Variants in ZER1 observed in about 807,000 individuals in gnomAD.
The protein encoded by ZER1 is protein zer-1 homolog.
ZER1 carries 11 observed loss-of-function variants against 78.8 expected under a neutral mutation model. The ratio of observed to expected loss-of-function variants is 0.14; its 90% CI spans 0.09 to 0.23. The LOEUF is 0.23. ZER1 is among the 10% of genes least tolerant of loss of function. ZER1 has a pLI of 1.00. For synonymous variants in ZER1, 400 were observed against 407.0 expected (o/e 0.98, Z 0.21); for missense variants, 588 against 996.9 (o/e 0.59, Z 5.52).
chr9:128,735,217 T>G (rs916253448), intron 14 of ZER1, 117 bp downstream of exon 14: 1 of 946,526 alleles, frequency 1.1e-6, no homozygotes, highest in Non-Finnish European at 1.6e-6. Context: ...GGTTCTGCTC[T>G]GAGGCACAAA....
At chr9:128,738,503 A>G (rs1390292415) in intron 13 of ZER1, among the ~76,000 whole-genome samples, 1 of 146,202 alleles carries the variant, frequency 6.8e-6, no homozygotes, top group African/African-American at 2.5e-5. Flanking sequence ...CTCCTGCCTC[A>G]GCCTCCCGAG....
chr9:128,745,231 G>T (rs1572917), intron 8 of ZER1, among the ~76,000 whole-genome samples: 2 of 145,936 alleles, frequency 1.4e-5, no homozygotes, highest in Admixed American at 1.4e-4. Context: ...GACAGTGTCT[G>T]ATTCTGTTGC....
intron 14 of ZER1, among the ~76,000 whole-genome samples, 184 bp from the exon 15 acceptor site, chr9:128,733,712 G>A (rs556552811): frequency 1.3e-5 from 2 of 151,368 alleles, no homozygotes; most frequent in East Asian, 2.0e-4. Flanking sequence ...GGAGTTCTGC[G>A]TCCATGTAGG....
chr9:128,731,150 AAATATATATATAT>A lies in ZER1; in HGVS notation c.*174_*186del. On this transcript the variant is annotated 3_prime_UTR_variant, in exon 16 of 16. Transcript: ENST00000291900. ...ACTTCACACTTCCTAACCAAAAAAA[AAATATATATATAT>A]AATATATATATATCTCACTAACATT... The A allele has an allele frequency of 4.0e-6, 1 of 249,444 alleles. No individual in the cohort carries two copies. Among genetic ancestry groups the A allele is most frequent in the Non-Finnish European group, 7.3e-6 (1 of 136,654 alleles). The allele number at this position is 249,444 out of a possible 1,614,324, so 15.5% of individuals were successfully genotyped here.
chr9:128,740,854 T>C lies in ZER1; in HGVS notation c.1771A>G (p.Met591Val). The change falls in exon 12 of 16, where the codon ATG becomes GTG. Residue 591 changes from methionine (M) to valine (V), a missense_variant. Around this residue, in one of 3 missense-constraint regions of ZER1, gnomAD observed 60 missense variants for 163.3 expected, o/e 0.37. Transcript: ENST00000291900. The surrounding 1 kb of genome is among the most constrained non-coding windows in gnomAD (Gnocchi z 4.4). ...GCCACATTCCCCAAAAGTCCTAGCA[T>C]ATTCCTATGCAGTTCCTGCTTCTCT... ...FPEKQELHRNMLGLLGNVAEV... is the reference protein window; with the variant it reads ...FPEKQELHRNVLGLLGNVAEV... 1.3e-6 allele frequency: 1 copy of C among 781,108 alleles called. No individual in the cohort carries two copies. The highest frequency in any genetic ancestry group is 2.4e-6 in the Non-Finnish European group (1 of 418,136). The allele number at this position is 781,108 out of a possible 1,614,324, so 48.4% of individuals were successfully genotyped here.
chr9:128,753,901 G>C lies in ZER1; in HGVS notation c.217C>G (p.Leu73Val). Residue 73 changes from leucine to valine, a missense_variant, in exon 3 of 16, where the codon CTC (leucine) becomes GTC (valine). By Grantham distance (32) the Leu-to-Val change is conservative. Around this residue, in one of 3 missense-constraint regions of ZER1, gnomAD observed 406 missense variants for 660.1 expected, o/e 0.62. Transcript: ENST00000291900. The surrounding 1 kb of genome is among the most constrained non-coding windows in gnomAD (Gnocchi z 7.5). ...CGGGTGCTGCGGGGGTCCGAAAAGA[G>C]GCTGAAGAAGCTCTCGTGTGGCTCG... ...NFEPHESFFS[L>V]FSDPRSTRLT... is the part of the protein sequence containing the mutation. 6.3e-7 allele frequency: 1 copy of C among 1,599,030 alleles called. No individual in the cohort carries two copies. The highest frequency in any genetic ancestry group is 8.5e-7 in the Non-Finnish European group (1 of 1,173,266).
intron 14 of ZER1, among the ~76,000 whole-genome samples, chr9:128,733,896 G>A (rs1442649265): frequency 7.1e-6 from 1 of 140,622 alleles, no homozygotes; most frequent in African/African-American, 2.6e-5. Flanking sequence ...TTGGGAGGCC[G>A]AGACGGGCGG....
intron 1 of ZER1, among the ~76,000 whole-genome samples, chr9:128,762,263 C>G (rs370287096): frequency 6.6e-6 from 1 of 152,154 alleles, no homozygotes; most frequent in Non-Finnish European, 1.5e-5. Context: ...CCAGCATTGT[C>G]CCAGCTTCTG....
chr9:128,750,255 A>G (rs1863630584), intron 8 of ZER1, among the ~76,000 whole-genome samples: 1 of 152,294 alleles, frequency 6.6e-6, no homozygotes. Context: ...TATTTTCTGT[A>G]TATCTGTAAT....
At chr9:128,748,580 G>C (rs1863575179) in intron 8 of ZER1, among the ~76,000 whole-genome samples, 1 of 150,440 alleles carries the variant, frequency 6.6e-6, no homozygotes, top group East Asian at 2.0e-4. Flanking sequence ...ATTTGTTTTT[G>C]TTTTTCTTTG....
At chr9:128,745,143 C>T (rs990123526) in intron 8 of ZER1, among the ~76,000 whole-genome samples, 3 of 151,542 alleles carry the variant, frequency 2.0e-5, no homozygotes, top group Non-Finnish European at 2.9e-5. Flanking sequence ...AGTTGCTCTA[C>T]ATCCTCAGTT....
chr9:128,763,502 T>C (rs1864112028), intron 1 of ZER1, among the ~76,000 whole-genome samples: 1 of 152,200 alleles, frequency 6.6e-6, no homozygotes, highest in African/African-American at 2.4e-5. Context: ...GGGTCCTTGG[T>C]GAGCGAGCCG....
chr9:128,762,904 C>G (rs941504337), intron 1 of ZER1, among the ~76,000 whole-genome samples: 1 of 152,216 alleles, frequency 6.6e-6, no homozygotes, highest in African/African-American at 2.4e-5. Context: ...CCAGAGGGAG[C>G]ACTGCTGGCA....
rs1863843896 is a variant in ZER1 at position 128,755,962 on chromosome 9, C to T, written c.-94-303G>A. ...CAGATTTTCACTCTTCAGCTTCCCA[C>T]AGTCTGAAGAGCTACACTGGGGTGT... On this transcript the variant is annotated intron_variant, in intron 1 of 15. Coordinates refer to ENST00000291900, the MANE Select transcript of ZER1 (RefSeq NM_006336.4). The surrounding 1 kb of genome is among the most constrained non-coding windows in gnomAD (Gnocchi z 5.6). 6.6e-6 allele frequency among the ~76,000 whole-genome samples: 1 copy of T among 152,216 alleles called. No individual in the cohort carries two copies. Among genetic ancestry groups the T allele is most frequent in the Non-Finnish European group, 1.5e-5 (1 of 68,044 alleles).
chr9:128,750,588 T>C, intron 8 of ZER1, 28 bp downstream of exon 8: 1 of 1,609,940 alleles, frequency 6.2e-7, no homozygotes, highest in Non-Finnish European at 8.5e-7. Context: ...GGCCAGAGCA[T>C]GCGGGGCCGT....
Position 128,731,197 on chromosome 9 carries a change from G to A in ZER1, c.*140C>T. The A allele has an allele frequency of 1.8e-6, 1 of 545,286 alleles. No homozygotes were observed. The highest frequency in any genetic ancestry group is 3.2e-6 in the Non-Finnish European group (1 of 310,848). 33.8% of individuals were successfully genotyped at this position (545,286 alleles called of 1,614,324 possible). ...TATATCTCACTAACATTAAGGAAAA[G>A]CGTCGGTTGTGCAAAAGTCCCCCAT... is the stretch of plus-strand genomic sequence containing the variant. On this transcript the variant is annotated 3_prime_UTR_variant, in exon 16 of 16. Transcript: ENST00000291900.
intron 1 of ZER1, among the ~76,000 whole-genome samples, chr9:128,765,976 G>A (rs928576823): frequency 2.0e-5 from 3 of 152,190 alleles, no homozygotes; most frequent in Non-Finnish European, 2.9e-5. Context: ...GGCTGCATTC[G>A]GCTAGTAATC....
In ZER1 at chr9:128,731,341, C is replaced by CTAG. The variant is rs1286568980; in HGVS notation, c.2294_2296dup (p.Ser765_Arg766insThr). The CTAG allele has an allele frequency of 1.2e-6, 2 of 1,606,788 alleles. No homozygotes were observed. The highest frequency in any genetic ancestry group is 2.7e-5 in the African/African-American group (2 of 74,092). ...CGGCCATGGGGACGGAGGCCTCTATCTAGACGTGTCCATGTTCTCCTCTTT... is the reference window on the plus strand; with the variant it reads ...CGGCCATGGGGACGGAGGCCTCTATCTAGTAGACGTGTCCATGTTCTCCTCTTT... On this transcript the variant is annotated inframe_insertion, in exon 16 of 16. Coordinates refer to ENST00000291900, the MANE Select transcript of ZER1 (RefSeq NM_006336.4).
chr9:128,752,251 G>A (rs1419973768), intron 5 of ZER1, among the ~76,000 whole-genome samples: 5 of 152,064 alleles, frequency 3.3e-5, no homozygotes, highest in Non-Finnish European at 7.4e-5. Context: ...GCCTCCAAGA[G>A]GGCAGGACCT....
Sources: allele counts gnomAD v4.1 joint callset (sites outside exome capture counted in the v4.1 genomes callset), GRCh38; gene constraint gnomAD v4.1.1; regional missense constraint gnomAD v4.1.1; non-coding constraint Gnocchi (gnomAD v3.1); transcripts MANE v1.5; gene names NCBI Gene and HGNC (gene_info 2026-07-23, HGNC 2026-07-21).